The following PUDP variants were observed in gnomAD, a reference collection of about 807,000 sequenced individuals.
The protein encoded by PUDP is pseudouridine-5'-phosphatase.
Under a neutral mutation model 9.4 loss-of-function variants are expected in PUDP, and 8 were observed. The observed-to-expected ratio is 0.85, with a 90% CI of 0.50 to 1.53. The LOEUF is 1.53. Among genes scored for constraint, PUDP ranks in the 40% most tolerant of loss-of-function variants. The probability of loss-of-function intolerance (pLI) is 0.00; values close to 1 mark genes in which losing one functional copy is unlikely to be tolerated. For missense variants in PUDP, 188 were observed against 189.7 expected (o/e 0.99, Z 0.05); for synonymous variants, 99 against 80.7 (o/e 1.23, Z -1.22).
chrX:6,766,754 G>T (rs1458101267), intron 3 of PUDP, among the ~76,000 whole-genome samples: 4 of 111,465 alleles, frequency 3.6e-5, no homozygotes, highest in African/African-American at 1.3e-4. Flanking sequence ...CTTTTCTCCT[G>T]CCCTCCCCTC....
At chrX:7,014,288 G>A (rs1216186614) in intron 1 of PUDP, among the ~76,000 whole-genome samples, 10 of 110,030 alleles carry the variant, frequency 9.1e-5, no homozygotes, top group East Asian at 2.9e-4. Flanking sequence ...ACTTAGGGCC[G>A]CGGGTCTCCA....
chrX:7,080,961 G>A (rs1931066167), intron 2 of PUDP, among the ~76,000 whole-genome samples: 1 of 109,091 alleles, frequency 9.2e-6, no homozygotes, highest in African/African-American at 3.3e-5. Flanking sequence ...ACTTCTGTCT[G>A]GATATAAACA....
In PUDP at chrX:7,068,586, G is replaced by C. The variant is rs1033253195; in HGVS notation, c.510+8634C>G. ...GGACAAGGGAGGTTTTCAGAAGAGA[G>C]GGCCTAAGAAGTGGATGGATAAAGG... is the stretch of plus-strand genomic sequence containing the variant. On this transcript the variant is annotated intron_variant, in intron 3 of 3. Transcript: ENST00000381077. 3.6e-5 allele frequency among the ~76,000 whole-genome samples: 4 copies of C among 112,137 alleles called. No homozygotes were observed. The Admixed American group carries it at 3.8e-4, about 11-fold the overall frequency.
intron 3 of PUDP, among the ~76,000 whole-genome samples, chrX:6,751,181 A>AAAG (rs1569091929): frequency 2.7e-5 from 3 of 110,095 alleles, no homozygotes; most frequent in African/African-American, 9.9e-5. Flanking sequence ...AAGAAAGAAA[A>AAAG]AAAGAAAGAA....
intron 3 of PUDP, among the ~76,000 whole-genome samples, chrX:6,871,149 A>G (rs7472056): frequency 0.093 from 10,389 of 111,569 alleles, 609 homozygotes; most frequent in East Asian, 0.46. Flanking sequence ...TCCCTTTACC[A>G]CAAGGCAGGG....
rs1224102918 is a variant in PUDP at position 6,874,868 on chromosome X, A to G, written c.*247+102265T>C. 4.5e-5 allele frequency among the ~76,000 whole-genome samples: 5 copies of G among 111,752 alleles called. No individual in the cohort carries two copies. The Admixed American group carries it at 4.8e-4, about 11-fold the overall frequency. On this transcript the variant is annotated intron_variant and NMD_transcript_variant, in intron 3 of 3. Transcript: ENST00000655425. ...TGCTCATTTGGATATTAAAACCTAAATTTCAAAATCTGAAACTACCCTCCA... is the reference window on the plus strand; with the variant it reads ...TGCTCATTTGGATATTAAAACCTAAGTTTCAAAATCTGAAACTACCCTCCA...
At chrX:6,736,106 C>T (rs986527399) in intron 3 of PUDP, among the ~76,000 whole-genome samples, 4 of 109,447 alleles carry the variant, frequency 3.7e-5, no homozygotes, top group Admixed American at 2.0e-4. Flanking sequence ...AATAACGACA[C>T]ACTTCATTTG....
chrX:6,953,942 G>A (rs1306815418), intron 3 of PUDP, among the ~76,000 whole-genome samples: 1 of 110,839 alleles, frequency 9.0e-6, no homozygotes, highest in African/African-American at 3.3e-5. Flanking sequence ...TTATCTCCAT[G>A]CTTTTCTCAA....
At chrX:6,775,008 A>C (rs771946801) in intron 3 of PUDP, among the ~76,000 whole-genome samples, 15 of 112,299 alleles carry the variant, frequency 1.3e-4, no homozygotes, top group Non-Finnish European at 2.6e-4. Flanking sequence ...AGAGTGTACA[A>C]TTCAATGGCT....
At chrX:6,933,203 G>A (rs1349276078) in intron 3 of PUDP, among the ~76,000 whole-genome samples, 1 of 107,982 alleles carries the variant, frequency 9.3e-6, no homozygotes, top group African/African-American at 3.3e-5. Context: ...CCTGACCCCT[G>A]ACCCCTGAGC....
rs750888246 is a variant in PUDP at position 6,992,269 on chromosome X, CTT to C, written c.205-13928_205-13927del. Among the ~76,000 whole-genome samples the C allele has an allele frequency of 7.0e-3, 438 of 62,576 alleles. 2 individuals carry two copies. Among genetic ancestry groups the C allele is most frequent in the African/African-American group, 0.024 (397 of 16,827 alleles). The allele number at this position is 62,576 out of a possible 115,157, so 54.3% of individuals were successfully genotyped here. ...TCTTAAAGGAGAATTTTCAGGGTGT[CTT>C]TTTTTTTTTTTTTTTTTTTGAGACG... is the stretch of plus-strand genomic sequence containing the variant. On this transcript the variant is annotated intron_variant and NMD_transcript_variant, in intron 1 of 3. Transcript: ENST00000655425.
intron 3 of PUDP, among the ~76,000 whole-genome samples, chrX:6,891,879 C>T (rs1166762089): frequency 8.9e-6 from 1 of 111,850 alleles, no homozygotes; most frequent in Non-Finnish European, 1.9e-5. Context: ...ATGTAATAAA[C>T]TAACCGAGTC....
intron 3 of PUDP, among the ~76,000 whole-genome samples, chrX:6,868,743 A>G (rs753686087): frequency 1.8e-5 from 2 of 112,038 alleles, no homozygotes; most frequent in South Asian, 7.4e-4. Flanking sequence ...CATCTGCAGA[A>G]AATAGACTTT....
At chrX:7,081,279 G>C (rs61110445) in intron 2 of PUDP, among the ~76,000 whole-genome samples, 1 of 111,313 alleles carries the variant, frequency 9.0e-6, no homozygotes, top group Non-Finnish European at 1.9e-5. Flanking sequence ...TCAGCCTCCC[G>C]AATAGCTGGG....
intron 3 of PUDP, among the ~76,000 whole-genome samples, chrX:6,790,792 C>T (rs1369096027): frequency 8.9e-6 from 1 of 111,959 alleles, no homozygotes; most frequent in African/African-American, 3.2e-5. Context: ...GACGGCATGA[C>T]GGACCTTTCT....
intron 3 of PUDP, among the ~76,000 whole-genome samples, chrX:6,806,361 C>G (rs1482058283): frequency 8.9e-6 from 1 of 112,043 alleles, no homozygotes; most frequent in Non-Finnish European, 1.9e-5. Flanking sequence ...AATGTCTTCT[C>G]TGTCACCTAG....
At chrX:6,843,566 A>G (rs1926702662) in intron 3 of PUDP, among the ~76,000 whole-genome samples, 1 of 112,005 alleles carries the variant, frequency 8.9e-6, no homozygotes, top group African/African-American at 3.2e-5. Flanking sequence ...TGTTCTGTCT[A>G]TATTAAAAAA....
At chrX:6,916,235 CACACACACACA>C (rs1569122772) in intron 3 of PUDP, among the ~76,000 whole-genome samples, 8 of 85,895 alleles carry the variant, frequency 9.3e-5, no homozygotes, top group African/African-American at 3.6e-4. Context: ...CACACACACA[CACACACACACA>C]CACCCTGGGG....
chrX:6,804,036 G>A (rs1276420298), intron 3 of PUDP, among the ~76,000 whole-genome samples: 2 of 111,453 alleles, frequency 1.8e-5, no homozygotes, highest in Admixed American at 9.6e-5. Context: ...GTTATATGCA[G>A]GACATATAGA....
Sources: gnomAD v4.1 joint callset for allele counts (sites outside exome capture counted in the v4.1 genomes callset) on GRCh38, gnomAD v4.1.1 for gene constraint, MANE v1.5 for transcripts, NCBI Gene and HGNC (gene_info 2026-07-23, HGNC 2026-07-21) for gene names.